SCRN3: variants seen among roughly 807,000 people sequenced by gnomAD.
The protein encoded by SCRN3 is secernin-3.
In SCRN3, 39 loss-of-function variants were observed where a neutral mutation model predicts 43.1. The ratio of observed to expected loss-of-function variants is 0.91; its 90% CI spans 0.70 to 1.18. The LOEUF (loss-of-function observed/expected upper bound fraction) is 1.18, where lower values mean the gene tolerates loss of function less well. Among genes scored for constraint, SCRN3 ranks in the 50% most tolerant of loss-of-function variants. The pLI is 0.00. For synonymous variants in SCRN3, 147 were observed against 163.1 expected (o/e 0.90, Z 0.75); for missense variants, 484 against 498.0 (o/e 0.97, Z 0.27).
intron 1 of SCRN3, 70 bp downstream of exon 1, chr2:174,395,887 G>T: frequency 8.3e-6 from 12 of 1,443,704 alleles, no homozygotes; most frequent in Non-Finnish European, 1.1e-5. Flanking sequence ...ACTGTGGCGC[G>T]GCACTGCTTG....
rs72917599 is a variant in SCRN3 at position 174,403,086 on chromosome 2, A to T, written c.542-1017A>T. The stretch of plus-strand genomic sequence containing the variant: ...TAAAGAGCAGTCAAAACTCAGTAGT[A>T]AAAAAAAAAAAATCCAGTTAGAAAA... On this transcript the variant is annotated intron_variant, in intron 4 of 7. Transcript: ENST00000272732. Among the ~76,000 whole-genome samples, 588 of 76,462 alleles carry T rather than the reference A, an allele frequency of 7.7e-3. 10 individuals are homozygous for T. The highest frequency in any genetic ancestry group is 5.8e-3 in the South Asian group (15 of 2,604). The allele number at this position is 76,462 out of a possible 152,430, so 50.2% of individuals were successfully genotyped here. A position where few individuals can be genotyped will look rare whatever the true frequency, so the allele number is the denominator to read the frequency against.
intron 5 of SCRN3, 125 bp downstream of exon 5, chr2:174,404,440 A>T: frequency 1.6e-6 from 1 of 631,720 alleles, no homozygotes; most frequent in Non-Finnish European, 2.5e-6. Flanking sequence ...TAAAATGAAA[A>T]ATATTTATTA....
chr2:174,398,511 G>A, intron 2 of SCRN3, 69 bp downstream of exon 2: 1 of 1,350,642 alleles, frequency 7.4e-7, no homozygotes, highest in Non-Finnish European at 1.0e-6. Flanking sequence ...TCTATACATA[G>A]CAATTTGGAA....
At chr2:174,397,264 A>C (rs1685355265) in intron 1 of SCRN3, 1 of 984,026 alleles carries the variant, frequency 1.0e-6, no homozygotes, top group African/African-American at 1.7e-5. Context: ...GCCTGTGTAA[A>C]GCCATTTTAA....
At chr2:174,421,293 ACGGGCATTCTT>A (rs1162784388) in intron 5 of SCRN3, among the ~76,000 whole-genome samples, 1 of 152,230 alleles carries the variant, frequency 6.6e-6, no homozygotes, top group Non-Finnish European at 1.5e-5. Context: ...AGAAATGCTA[ACGGGCATTCTT>A]CAGGCAGATA....
intron 5 of SCRN3, among the ~76,000 whole-genome samples, chr2:174,418,979 G>C (rs1365931218): frequency 6.6e-6 from 1 of 152,210 alleles, no homozygotes; most frequent in Non-Finnish European, 1.5e-5. Context: ...ATGTAGACTT[G>C]TATAAATCTG....
intron 6 of SCRN3, among the ~76,000 whole-genome samples, chr2:174,424,052 A>C (rs1686394951): frequency 6.6e-6 from 1 of 151,860 alleles, no homozygotes; most frequent in Non-Finnish European, 1.5e-5. Context: ...TGACCTCTGA[A>C]AGTGCTGGGA....
In SCRN3 at chr2:174,427,750, T is replaced by C. The variant is rs1348317414; in HGVS notation, c.1130T>C (p.Leu377Pro). 3 of 1,606,614 alleles carry C rather than the reference T, an allele frequency of 1.9e-6. No individual in the cohort carries two copies. Among genetic ancestry groups the C allele is most frequent in the Middle Eastern group, 1.7e-4 (1 of 6,050 alleles). ...AKIMLDNMRK[L>P]EKELFREMES... is the part of the protein sequence containing the mutation. ...ATAATGTTGGACAACATGAGGAAAC[T>C]GGAGAAAGAACTATTCAGAGAGATG... Residue 377 changes from leucine to proline, a missense_variant, in exon 8 of 8, where the codon CTG becomes CCG. By Grantham distance (98) the Leu-to-Pro change is moderately conservative (BLOSUM62 -3). Coordinates refer to ENST00000272732, the MANE Select transcript of SCRN3 (RefSeq NM_024583.5).
intron 1 of SCRN3, among the ~76,000 whole-genome samples, chr2:174,397,863 A>T (rs970713990): frequency 6.6e-6 from 1 of 152,260 alleles, no homozygotes; most frequent in South Asian, 2.1e-4. Context: ...ACTATACAGT[A>T]GAAGAAGGTA....
At chr2:174,401,340 G>C (rs1442771282) in intron 4 of SCRN3, 151 bp downstream of exon 4, 2 of 624,000 alleles carry the variant, frequency 3.2e-6, no homozygotes, top group Non-Finnish European at 5.4e-6. Flanking sequence ...TGAAAGAACA[G>C]TGAAAAAGTG....
At chr2:174,421,133 A>G (rs1270119596) in intron 5 of SCRN3, among the ~76,000 whole-genome samples, 1 of 152,224 alleles carries the variant, frequency 6.6e-6, no homozygotes, top group African/African-American at 2.4e-5. Flanking sequence ...TTTTCAACAG[A>G]AGGGAGGGGA....
At chr2:174,401,985 A>C (rs1685522945) in intron 4 of SCRN3, among the ~76,000 whole-genome samples, 2 of 152,248 alleles carry the variant, frequency 1.3e-5, no homozygotes, top group South Asian at 4.1e-4. Flanking sequence ...AAAGGTTATT[A>C]TCGTGAGCTA....
At chr2:174,398,924 C>T (rs2105557160) in intron 2 of SCRN3, among the ~76,000 whole-genome samples, 1 of 152,246 alleles carries the variant, frequency 6.6e-6, no homozygotes, top group South Asian at 2.1e-4. Flanking sequence ...GGCTTAGGTT[C>T]TACTTGATGT....
chr2:174,396,205 CCT>C, intron 1 of SCRN3: 1 of 838,356 alleles, frequency 1.2e-6, no homozygotes, highest in South Asian at 5.3e-5. Flanking sequence ...GAACGGAGGC[CCT>C]GTCTATTTTG....
intron 5 of SCRN3, among the ~76,000 whole-genome samples, chr2:174,422,473 C>T (rs1435401329): frequency 4.6e-5 from 7 of 151,490 alleles, no homozygotes; most frequent in African/African-American, 1.7e-4. Flanking sequence ...ACTTGGGAGG[C>T]TGAGGCACGA....
At chr2:174,421,707 T>G (rs1303304548) in intron 5 of SCRN3, among the ~76,000 whole-genome samples, 1 of 152,240 alleles carries the variant, frequency 6.6e-6, no homozygotes, top group Non-Finnish European at 1.5e-5. Flanking sequence ...TCTGAGGCTT[T>G]CCAGGTTCCC....
Position 174,395,797 on chromosome 2 carries a change from T to C in SCRN3, c.-30T>C. On this transcript the variant is annotated 5_prime_UTR_variant, in exon 1 of 8. Coordinates refer to ENST00000272732, the MANE Select transcript of SCRN3 (RefSeq NM_024583.5). ...ACTCCTCCCTCCGTCCACCTGTCACTTCGGGTAGCTGGGAGGCCAGGTGAG... is the reference window on the plus strand; with the variant it reads ...ACTCCTCCCTCCGTCCACCTGTCACCTCGGGTAGCTGGGAGGCCAGGTGAG... 5 of 1,550,372 alleles carry C rather than the reference T, an allele frequency of 3.2e-6. No individual in the cohort carries two copies. The highest frequency in any genetic ancestry group is 4.4e-6 in the Non-Finnish European group (5 of 1,146,068).
At chr2:174,395,902 A>C (rs1685287852) in intron 1 of SCRN3, 85 bp downstream of exon 1, 1 of 1,426,294 alleles carries the variant, frequency 7.0e-7, no homozygotes, top group Non-Finnish European at 9.2e-7. Flanking sequence ...TGCTTGACCG[A>C]GGGGCTCCGG....
chr2:174,411,928 A>T (rs34056570), intron 5 of SCRN3, among the ~76,000 whole-genome samples: 31,218 of 152,158 alleles, frequency 0.21, 3,576 homozygotes, highest in Middle Eastern at 0.37. Flanking sequence ...CTCAAAAAAA[A>T]TTTTTTTAAT....
Sources: allele counts gnomAD v4.1 joint callset (sites outside exome capture counted in the v4.1 genomes callset), GRCh38; gene constraint gnomAD v4.1.1; transcripts MANE v1.5; gene names NCBI Gene and HGNC (gene_info 2026-07-23, HGNC 2026-07-21).